The following PPFIBP1 variants were observed in gnomAD, a reference collection of about 807,000 sequenced individuals.
PPFIBP1 encodes liprin-beta-1.
A neutral mutation model predicts 137.8 loss-of-function variants in PPFIBP1; 112 were observed. The ratio of observed to expected loss-of-function variants is 0.81; its 90% confidence interval spans 0.70 to 0.95. The LOEUF (loss-of-function observed/expected upper bound fraction) is 0.95. PPFIBP1 is among the 40% of genes least tolerant of loss of function. The pLI, the probability that PPFIBP1 is intolerant of heterozygous loss-of-function variation, is 0.00. For missense variants in PPFIBP1, 1,083 were observed against 1,196.6 expected, an observed-to-expected ratio of 0.91 and a Z score of 1.40; for synonymous variants, 378 against 417.3, an observed-to-expected ratio of 0.91 and a Z score of 1.15.
chr12:27,678,843 T>G, intron 19 of PPFIBP1, among the ~76,000 whole-genome samples: 2 of 89,238 alleles, frequency 2.2e-5, no homozygotes, highest in South Asian at 4.7e-4. Flanking sequence ...GGAAACAGAG[T>G]GAGACTCTGT....
chr12:27,641,862 T>C (rs1193327758), intron 4 of PPFIBP1, among the ~76,000 whole-genome samples: 1 of 152,122 alleles, frequency 6.6e-6, no homozygotes, highest in Non-Finnish European at 1.5e-5. Context: ...AACCAGGCAT[T>C]CGAACTGGCA....
Position 27,679,998 on chromosome 12 carries a change from G to A in PPFIBP1, c.1832G>A (p.Gly611Glu), listed in dbSNP as rs2060783300. Residue 611 changes from glycine (G) to glutamate (E), a missense_variant, in exon 21 of 30, where the codon GGA becomes GAA. Physicochemically the swap from Gly to Glu is moderately conservative, Grantham distance 98 (BLOSUM62 -2). Coordinates refer to ENST00000228425, the MANE Select transcript of PPFIBP1 (RefSeq NM_003622.4). ...ATGTCTGAGCCTGAATTCAAAAGAG[G>A]AGGGACAAGGGCAACCGCGGGGCCC... Reference protein sequence around the residue: ...DDMSEPEFKRGGTRATAGPRL... With the variant: ...DDMSEPEFKREGTRATAGPRL... The A allele has an allele frequency of 6.2e-7, 1 of 1,614,116 alleles. No homozygotes were observed. The highest frequency in any genetic ancestry group is 2.2e-5 in the East Asian group (1 of 44,880).
At chr12:27,675,812 C>T (rs949740467) in intron 17 of PPFIBP1, among the ~76,000 whole-genome samples, 4 of 152,206 alleles carry the variant, frequency 2.6e-5, no homozygotes, top group African/African-American at 9.6e-5. Context: ...TACTGTGTTA[C>T]AGCTGGCTCT....
chr12:27,559,105 C>T (rs1441464472), intron 1 of PPFIBP1, among the ~76,000 whole-genome samples: 5 of 151,822 alleles, frequency 3.3e-5, no homozygotes, highest in African/African-American at 7.3e-5. Context: ...TGGCCTCAAG[C>T]GATCCTCCTG....
At chr12:27,592,707 T>A in intron 2 of PPFIBP1, 1 of 1,207,540 alleles carries the variant, frequency 8.3e-7, no homozygotes. Flanking sequence ...TTGAGATCTC[T>A]GGAGCACTTG....
At chr12:27,658,122 G>C (rs1012211193) in intron 9 of PPFIBP1, among the ~76,000 whole-genome samples, 1 of 138,158 alleles carries the variant, frequency 7.2e-6, no homozygotes, top group African/African-American at 2.8e-5. Context: ...GGGCAATGGA[G>C]CAAGATCCTG....
chr12:27,673,046 G>A (rs76780723), intron 15 of PPFIBP1, among the ~76,000 whole-genome samples: 3,285 of 152,260 alleles, frequency 0.022, 68 homozygotes, highest in South Asian at 0.12. Flanking sequence ...CAGAAGAAAT[G>A]CCTTTTGAAA....
At chr12:27,623,369 A>T (rs1481037699) in intron 2 of PPFIBP1, among the ~76,000 whole-genome samples, 1 of 152,202 alleles carries the variant, frequency 6.6e-6, no homozygotes, top group East Asian at 1.9e-4. Flanking sequence ...TAGCAAGGCT[A>T]ATAATAATGA....
chr12:27,526,813 C>T (rs1005973514), intron 1 of PPFIBP1, among the ~76,000 whole-genome samples: 5 of 151,958 alleles, frequency 3.3e-5, no homozygotes, highest in African/African-American at 4.8e-5. Context: ...CCAGCCTGGG[C>T]GACTAGAGCA....
chr12:27,666,355 A>T (rs2059854743), intron 12 of PPFIBP1, among the ~76,000 whole-genome samples: 1 of 152,254 alleles, frequency 6.6e-6, no homozygotes. Flanking sequence ...ATACAATTCT[A>T]ATAACACTAA....
rs186586027 is a variant in PPFIBP1 at position 27,647,072 on chromosome 12, G to A, written c.358-657G>A. Among the ~76,000 whole-genome samples, 177 of 152,298 alleles carry A rather than the reference G, an allele frequency of 1.2e-3. 1 individual carries two copies. Among genetic ancestry groups the A allele is most frequent in the Non-Finnish European group, 2.1e-3 (141 of 68,028 alleles). The stretch of plus-strand genomic sequence containing the variant: ...ACGGGAGTGCAGTGGCACAATCTTG[G>A]CTCACTGCAACCTCCACCTCCCGGA... On this transcript the variant is annotated intron_variant, in intron 5 of 29. Transcript: ENST00000228425.
intron 24 of PPFIBP1, among the ~76,000 whole-genome samples, chr12:27,685,280 C>T (rs1465724690): frequency 2.1e-5 from 3 of 145,536 alleles, no homozygotes; most frequent in Non-Finnish European, 3.1e-5. Context: ...TGTGTGTATC[C>T]ATATACACAC....
chr12:27,613,758 GCAATAGTT>G (rs938532306), intron 2 of PPFIBP1, among the ~76,000 whole-genome samples: 3 of 151,510 alleles, frequency 2.0e-5, no homozygotes, highest in African/African-American at 7.3e-5. Context: ...GTCAGGCCCA[GCAATAGTT>G]CAGTAGTTCT....
At chr12:27,673,720 T>C in intron 15 of PPFIBP1, 47 bp from the exon 16 acceptor site, 1 of 1,499,054 alleles carries the variant, frequency 6.7e-7, no homozygotes, top group East Asian at 2.3e-5. Flanking sequence ...TTAGAAACAG[T>C]GGCACTGGAG....
chr12:27,654,372 A>G (rs1166510246), intron 7 of PPFIBP1: 2 of 162,152 alleles, frequency 1.2e-5, no homozygotes, highest in African/African-American at 4.8e-5. Context: ...ATTCTATGAA[A>G]TAGAATAGAA....
At chr12:27,688,985 T>C (rs781604269) in intron 26 of PPFIBP1, 30 bp from the exon 27 acceptor site, 4 of 1,584,050 alleles carry the variant, frequency 2.5e-6, no homozygotes, top group African/African-American at 2.7e-5. Flanking sequence ...TGGTGACTTT[T>C]GACAAGCTTT....
chr12:27,647,070 T>C (rs1170216896), intron 5 of PPFIBP1, among the ~76,000 whole-genome samples: 1 of 152,218 alleles, frequency 6.6e-6, no homozygotes, highest in Non-Finnish European at 1.5e-5. Context: ...GGCACAATCT[T>C]GGCTCACTGC....
intron 6 of PPFIBP1, 30 bp from the exon 7 acceptor site, chr12:27,649,980 T>G: frequency 1.3e-6 from 2 of 1,581,380 alleles, no homozygotes; most frequent in Non-Finnish European, 1.7e-6. Flanking sequence ...AATAAAAGAC[T>G]TCTTGAATGT....
In PPFIBP1 at chr12:27,671,483, T is replaced by G; in HGVS notation, c.1199T>G (p.Val400Gly). ...VSIPSLLPAT[V>G]SMETSEKSKL... ...ATCCCTTCATTATTGCCAGCAACTG[T>G]AAGCATGGAAACTTCTGAAAAATCA... Residue 400 changes from valine to glycine, a missense_variant, in exon 14 of 30, where the codon GTA becomes GGA. Physicochemically the swap from Val to Gly is moderately radical, Grantham distance 109 (BLOSUM62 -3). Transcript: ENST00000228425. The G allele has an allele frequency of 6.2e-7, 1 of 1,603,848 alleles. No individual in the cohort carries two copies. Among genetic ancestry groups the G allele is most frequent in the Non-Finnish European group, 8.5e-7 (1 of 1,176,302 alleles).
Sources: gnomAD v4.1 joint callset for allele counts (sites outside exome capture counted in the v4.1 genomes callset) on GRCh38, gnomAD v4.1.1 for gene constraint, MANE v1.5 for transcripts, NCBI Gene and HGNC (gene_info 2026-07-23, HGNC 2026-07-21) for gene names.